The following FGF12 variants were observed in gnomAD, a reference collection of about 807,000 sequenced individuals.
The protein encoded by FGF12 is fibroblast growth factor 12B.
Under a neutral mutation model 23.6 loss-of-function variants are expected in FGF12, and 14 were observed. The observed-to-expected ratio is 0.59, with a 90% CI of 0.39 to 0.93. The LOEUF is 0.93. Among genes scored for constraint, FGF12 ranks in the 40% least tolerant of loss-of-function variants. The pLI is 0.00. For missense variants in FGF12, 175 were observed against 217.8 expected (o/e 0.80, Z 1.24); for synonymous variants, 62 against 77.3 (o/e 0.80, Z 1.04).
rs62294889 is a variant in FGF12, at chr3:192,389,097, C to T, written c.14-28559G>A. Among the ~76,000 whole-genome samples the T allele has an allele frequency of 7.4e-3, 1,122 of 152,284 alleles. 7 individuals carry two copies. The highest frequency in any genetic ancestry group is 8.2e-3 in the Non-Finnish European group (558 of 68,024). On this transcript the variant is annotated intron_variant, in intron 2 of 5. Coordinates refer to ENST00000445105, the MANE Select transcript of FGF12 (RefSeq NM_004113.6). ...ATACATGGCCGGGCGCGGTGGCTCA[C>T]GCCTGTAATCCCAGCACTTTGGGAG... is the stretch of plus-strand genomic sequence containing the variant.
intron 4 of FGF12, among the ~76,000 whole-genome samples, chr3:192,215,502 G>C (rs111978995): frequency 6.6e-6 from 1 of 152,024 alleles, no homozygotes; most frequent in Non-Finnish European, 1.5e-5. Context: ...TGTAGCATTG[G>C]GCCCAAATGT....
rs200410746 is a variant in FGF12 at position 192,658,253 on chromosome 3, C to A, written c.13+68928G>T. 2.6e-5 allele frequency among the ~76,000 whole-genome samples: 4 copies of A among 152,320 alleles called. No individual in the cohort carries two copies. The East Asian group carries it at 7.7e-4, about 29-fold the overall frequency. On this transcript the variant is annotated intron_variant, in intron 2 of 5. Transcript: ENST00000445105. ...AACAAAATAGGTGGTAAACCGGACC[C>A]ATGCCTTAGCAGGCTGAAAGCTGAT...
At chr3:192,378,103 T>C (rs528570584) in intron 2 of FGF12, among the ~76,000 whole-genome samples, 2 of 112,288 alleles carry the variant, frequency 1.8e-5, no homozygotes, top group South Asian at 5.5e-4. Flanking sequence ...TCTTCTTTCT[T>C]TCCTTCTTTC....
At chr3:192,592,160 T>C (rs968253932) in intron 2 of FGF12, among the ~76,000 whole-genome samples, 1 of 151,884 alleles carries the variant, frequency 6.6e-6, no homozygotes, top group African/African-American at 2.4e-5. Context: ...TCGGGCCTGA[T>C]AGAGTAAACA....
intron 2 of FGF12, among the ~76,000 whole-genome samples, chr3:192,370,621 C>A (rs1035424555): frequency 6.6e-6 from 1 of 152,064 alleles, no homozygotes; most frequent in Non-Finnish European, 1.5e-5. Flanking sequence ...ATGCATTAAG[C>A]AATGGGAAAA....
At chr3:192,400,777 T>C (rs1284947043) in intron 2 of FGF12, among the ~76,000 whole-genome samples, 3 of 152,208 alleles carry the variant, frequency 2.0e-5, no homozygotes, top group Non-Finnish European at 4.4e-5. Context: ...TGCAATTCAC[T>C]ATGGAATAGT....
chr3:192,628,511 G>GTA (rs34765602), intron 2 of FGF12, among the ~76,000 whole-genome samples: 110,300 of 145,568 alleles, frequency 0.76, 41,822 homozygotes, highest in African/African-American at 0.85. Flanking sequence ...ATATATATTA[G>GTA]TGTGTGTGTG....
intron 3 of FGF12, among the ~76,000 whole-genome samples, chr3:192,338,054 G>T (rs111371008): frequency 0.034 from 5,106 of 152,176 alleles, 126 homozygotes; most frequent in Non-Finnish European, 0.051. Context: ...TAACCCAGGG[G>T]AAAATGCATC....
chr3:192,593,658 G>A (rs1049981159), intron 2 of FGF12, among the ~76,000 whole-genome samples: 3 of 151,828 alleles, frequency 2.0e-5, no homozygotes, highest in Admixed American at 1.3e-4. Flanking sequence ...ACAAACAAAC[G>A]AACCGAAAAA....
intron 2 of FGF12, among the ~76,000 whole-genome samples, chr3:192,650,113 C>T (rs2174179): frequency 6.6e-6 from 1 of 152,014 alleles, no homozygotes; most frequent in African/African-American, 2.4e-5. Flanking sequence ...GAGTCATGGG[C>T]GAAGCCCCAA....
chr3:192,170,664 A>G lies in FGF12; in HGVS notation c.229-8T>C, dbSNP rs764583600. 7.5e-5 allele frequency: 10 copies of G among 133,094 alleles called. No individual in the cohort carries two copies. The East Asian group carries it at 2.1e-3, about 28-fold the overall frequency. 8.2% of individuals were successfully genotyped at this position (133,094 alleles called of 1,614,324 possible). On this transcript the variant is annotated splice_region_variant and splice_polypyrimidine_tract_variant and intron_variant, in intron 4 of 5. Transcript: ENST00000445105. Reference sequence around the variant, plus strand: ...TTCTGGAGTGAAAACATCCTGTAGGAAAAAAAAAAAAAGACACAAAAAAGA... The same window carrying G: ...TTCTGGAGTGAAAACATCCTGTAGGGAAAAAAAAAAAAGACACAAAAAAGA...
chr3:192,398,073 A>G (rs1720601209), intron 2 of FGF12, among the ~76,000 whole-genome samples: 2 of 152,178 alleles, frequency 1.3e-5, no homozygotes, highest in East Asian at 1.9e-4. Flanking sequence ...TTAAAAAAAA[A>G]TCTAAAACAC....
chr3:192,679,587 C>T (rs1387652689), intron 2 of FGF12, among the ~76,000 whole-genome samples: 1 of 151,898 alleles, frequency 6.6e-6, no homozygotes, highest in East Asian at 1.9e-4. Flanking sequence ...ACCTGGGTGA[C>T]AGAGCAGGAC....
chr3:192,532,050 A>G (rs1471868596), intron 2 of FGF12, among the ~76,000 whole-genome samples: 1 of 152,138 alleles, frequency 6.6e-6, no homozygotes, highest in East Asian at 1.9e-4. Flanking sequence ...TTGAAGATCA[A>G]TTAGCTATAA....
At chr3:192,390,723 A>G (rs1295332719) in intron 2 of FGF12, among the ~76,000 whole-genome samples, 4 of 152,256 alleles carry the variant, frequency 2.6e-5, no homozygotes, top group Non-Finnish European at 5.9e-5. Flanking sequence ...AAAACGTTAC[A>G]GAGATACAGT....
In FGF12 at chr3:192,345,680, C is replaced by A. The variant is rs1202526090; in HGVS notation, c.125-10216G>T. Reference sequence around the variant, plus strand: ...CCAGCCTGGGCGACAGAGCGAGACTCCGTCTCAAAAAAAAAAAAAAAAAAG... The same window carrying A: ...CCAGCCTGGGCGACAGAGCGAGACTACGTCTCAAAAAAAAAAAAAAAAAAG... On this transcript the variant is annotated intron_variant, in intron 3 of 5. Transcript: ENST00000445105. Among the ~76,000 whole-genome samples, 3 of 39,142 alleles carry A rather than the reference C, an allele frequency of 7.7e-5. 1 individual carries two copies. The highest frequency in any genetic ancestry group is 1.1e-4 in the Non-Finnish European group (3 of 27,244). 25.7% of individuals were successfully genotyped at this position (39,142 alleles called of 152,430 possible).
chr3:192,696,682 C>T (rs1718133958), intron 2 of FGF12, among the ~76,000 whole-genome samples: 1 of 151,980 alleles, frequency 6.6e-6, no homozygotes, highest in African/African-American at 2.4e-5. Context: ...TTACCGTAAT[C>T]AGAAGAAATT....
Position 192,143,777 on chromosome 3 carries a change from A to T in FGF12, c.*232T>A. On this transcript the variant is annotated 3_prime_UTR_variant, in exon 6 of 6. Coordinates refer to ENST00000445105, the MANE Select transcript of FGF12 (RefSeq NM_004113.6). ...TGATTTATTTTTTCCTTTGCTTTTA[A>T]GTGTGCTAATCTTTGTGCACGTGAA... The T allele has an allele frequency of 2.3e-6, 1 of 433,804 alleles. No homozygotes were observed. The allele number at this position is 433,804 out of a possible 1,614,324, so 26.9% of individuals were successfully genotyped here.
intron 4 of FGF12, among the ~76,000 whole-genome samples, chr3:192,203,637 T>C (rs946851327): frequency 6.7e-6 from 1 of 150,208 alleles, no homozygotes; most frequent in Admixed American, 6.7e-5. Flanking sequence ...GGCACAATCA[T>C]GGCTCACTGC....
Sources: gnomAD v4.1 joint callset for allele counts (sites outside exome capture counted in the v4.1 genomes callset) on GRCh38, gnomAD v4.1.1 for gene constraint, MANE v1.5 for transcripts, NCBI Gene and HGNC (gene_info 2026-07-23, HGNC 2026-07-21) for gene names.